The following LRRC28 variants were observed in gnomAD, a reference collection of about 807,000 sequenced individuals.
LRRC28 encodes the protein leucine rich repeat containing 28.
LRRC28 carries 39 observed loss-of-function variants against 45.7 expected under a neutral mutation model. That is an observed-to-expected ratio of 0.85 (90% CI 0.66 to 1.12). The LOEUF is 1.12. Among genes scored for constraint, LRRC28 ranks in the 50% most tolerant of loss-of-function variants. The probability of loss-of-function intolerance (pLI) is 0.00; values close to 1 mark genes in which losing one functional copy is unlikely to be tolerated. For missense variants in LRRC28, 435 were observed against 438.5 expected (o/e 0.99, Z 0.07); for synonymous variants, 206 against 178.8 (o/e 1.15, Z -1.22).
At chr15:99,290,660 T>C (rs186102318) in intron 5 of LRRC28, among the ~76,000 whole-genome samples, 10 of 152,156 alleles carry the variant, frequency 6.6e-5, no homozygotes, top group African/African-American at 2.4e-4. Flanking sequence ...ATACAAAAAA[T>C]ACAATTCTGC....
At chr15:99,308,042 G>C (rs1177841967) in intron 5 of LRRC28, among the ~76,000 whole-genome samples, 3 of 152,208 alleles carry the variant, frequency 2.0e-5, no homozygotes, top group Admixed American at 1.3e-4. Flanking sequence ...AATAACCCCA[G>C]CAAGAAATGA....
At chr15:99,273,336 AGGCC>A in intron 2 of LRRC28, among the ~76,000 whole-genome samples, 1 of 150,460 alleles carries the variant, frequency 6.6e-6, no homozygotes, top group Non-Finnish European at 1.5e-5. Context: ...TCCCGGGTTC[AGGCC>A]ATTTTCCTGC....
chr15:99,314,780 T>C (rs1955537556), intron 5 of LRRC28, among the ~76,000 whole-genome samples: 1 of 152,206 alleles, frequency 6.6e-6, no homozygotes, highest in South Asian at 2.1e-4. Context: ...GTGGAGAAAG[T>C]AGCCTTTAAC....
chr15:99,256,275 A>C, intron 2 of LRRC28, 150 bp downstream of exon 2: 1 of 566,072 alleles, frequency 1.8e-6, no homozygotes, highest in Non-Finnish European at 2.8e-6. Flanking sequence ...GGGGTTTCTC[A>C]TTGGCTATGA....
chr15:99,385,306 G>T (rs181452992), intron 9 of LRRC28, among the ~76,000 whole-genome samples: 1 of 152,358 alleles, frequency 6.6e-6, no homozygotes, highest in African/African-American at 2.4e-5. Context: ...AAGGCGGACT[G>T]TGTTGGGGGT....
intron 3 of LRRC28, among the ~76,000 whole-genome samples, 154 bp downstream of exon 3, chr15:99,276,770 C>T (rs2081628266): frequency 6.6e-6 from 1 of 152,038 alleles, no homozygotes; most frequent in South Asian, 2.1e-4. Flanking sequence ...TTCTACTAAA[C>T]CCAATAGTAT....
At chr15:99,278,509 GTGCTGGGATTACAGGCGTGAGCCAC>G (rs2081683827) in intron 3 of LRRC28, among the ~76,000 whole-genome samples, 1 of 152,178 alleles carries the variant, frequency 6.6e-6, no homozygotes. Context: ...GCCTCCCAAA[GTGCTGGGATTACAGGCGTGAGCCAC>G]TGCACCTGGT....
intron 5 of LRRC28, among the ~76,000 whole-genome samples, chr15:99,325,476 A>G (rs1049405729): frequency 2.0e-5 from 3 of 152,146 alleles, no homozygotes; most frequent in Non-Finnish European, 4.4e-5. Flanking sequence ...TTGGGTACCA[A>G]TGGAAACACT....
intron 3 of LRRC28, among the ~76,000 whole-genome samples, chr15:99,282,038 T>C (rs2081808879): frequency 6.6e-6 from 1 of 152,090 alleles, no homozygotes; most frequent in Non-Finnish European, 1.5e-5. Context: ...GTGATCCTCC[T>C]GCTTCAGCCT....
intron 5 of LRRC28, among the ~76,000 whole-genome samples, 174 bp downstream of exon 5, chr15:99,288,125 C>T (rs1180467829): frequency 6.6e-6 from 1 of 152,128 alleles, no homozygotes; most frequent in Non-Finnish European, 1.5e-5. Flanking sequence ...TTTTGTGATG[C>T]AAATGTAAGA....
At chr15:99,258,674 G>A in intron 2 of LRRC28, 1 of 733,016 alleles carries the variant, frequency 1.4e-6, no homozygotes, top group Non-Finnish European at 2.5e-6. Context: ...AGTAGAAGAT[G>A]AATACAAAGC....
chr15:99,255,659 T>A (rs2080995243), intron 1 of LRRC28, among the ~76,000 whole-genome samples: 1 of 152,170 alleles, frequency 6.6e-6, no homozygotes, highest in South Asian at 2.1e-4. Context: ...TTTTTTCCAT[T>A]AGGACTATTT....
intron 2 of LRRC28, among the ~76,000 whole-genome samples, chr15:99,272,778 C>T (rs1041519083): frequency 1.1e-4 from 17 of 152,134 alleles, no homozygotes; most frequent in African/African-American, 3.4e-4. Context: ...TAGGAGGTAT[C>T]TGAGTACATG....
rs1314935014 is a variant in LRRC28, at chr15:99,390,061, T to G, written c.*3959T>G. The G allele has an allele frequency of 6.6e-6, 1 of 152,360 alleles. No individual in the cohort carries two copies. Among genetic ancestry groups the G allele is most frequent in the African/African-American group, 2.4e-5 (1 of 41,424 alleles). The allele number at this position is 152,360 out of a possible 1,614,324, so 9.4% of individuals were successfully genotyped here. ...TGAACCCGGCAGGAAGAGGTTGCAT[T>G]GAGCTGAGATCACGCCATTACACTC... On this transcript the variant is annotated 3_prime_UTR_variant, in exon 10 of 10. Coordinates refer to ENST00000301981, the MANE Select transcript of LRRC28 (RefSeq NM_144598.5).
intron 3 of LRRC28, 70 bp downstream of exon 3, chr15:99,276,686 A>G: frequency 1.6e-6 from 2 of 1,219,712 alleles, no homozygotes; most frequent in Non-Finnish European, 1.1e-6. Context: ...AAATAATAGG[A>G]TATGTCATCT....
At chr15:99,354,966 C>A (rs1957003474) in intron 7 of LRRC28, among the ~76,000 whole-genome samples, 2 of 151,996 alleles carry the variant, frequency 1.3e-5, no homozygotes, top group Admixed American at 6.5e-5. Flanking sequence ...ACTTGTGGGA[C>A]AATATAAGAA....
intron 9 of LRRC28, among the ~76,000 whole-genome samples, chr15:99,375,752 TA>T (rs1292599875): frequency 6.6e-6 from 1 of 152,170 alleles, no homozygotes; most frequent in Non-Finnish European, 1.5e-5. Context: ...TTTATTAGTA[TA>T]AAGTTGTCCC....
chr15:99,375,547 A>G (rs1231404045), intron 9 of LRRC28, among the ~76,000 whole-genome samples: 1 of 152,216 alleles, frequency 6.6e-6, no homozygotes, highest in Non-Finnish European at 1.5e-5. Context: ...AAACTTTTCA[A>G]AAATTTATCT....
intron 7 of LRRC28, among the ~76,000 whole-genome samples, chr15:99,359,798 A>G (rs1169317220): frequency 6.6e-6 from 1 of 152,206 alleles, no homozygotes; most frequent in Admixed American, 6.5e-5. Flanking sequence ...CTCTAAATCT[A>G]TCTTGATTGG....
Sources: allele counts gnomAD v4.1 joint callset (sites outside exome capture counted in the v4.1 genomes callset), GRCh38; gene constraint gnomAD v4.1.1; transcripts MANE v1.5; gene names NCBI Gene and HGNC (gene_info 2026-07-23, HGNC 2026-07-21).